Variants in AP2A2 observed in about 807,000 individuals in gnomAD.
AP2A2 encodes AP-2 complex subunit alpha-2.
In AP2A2, 32 loss-of-function variants were observed where a neutral mutation model predicts 104.2. The observed-to-expected ratio is 0.31, with a 90% CI of 0.23 to 0.41. The LOEUF is 0.41. Ranked by LOEUF, AP2A2 falls within the 10% of genes least tolerant of loss-of-function variation. AP2A2 has a pLI of 1.00. For missense variants in AP2A2, 912 were observed against 1,261.0 expected (o/e 0.72, Z 4.19); for synonymous variants, 539 against 533.3 (o/e 1.01, Z -0.15).
At chr11:954,552 G>A (rs896410494) in intron 1 of AP2A2, among the ~76,000 whole-genome samples, 1 of 152,034 alleles carries the variant, frequency 6.6e-6, no homozygotes, top group Admixed American at 6.6e-5. Context: ...GTATTTATGT[G>A]TGTTTGTAAA....
chr11:960,724 G>A (rs1303328178), intron 2 of AP2A2, among the ~76,000 whole-genome samples: 4 of 151,910 alleles, frequency 2.6e-5, no homozygotes, highest in Non-Finnish European at 5.9e-5. Flanking sequence ...CTCCATGTTG[G>A]TCAGGCTGGT....
intron 2 of AP2A2, among the ~76,000 whole-genome samples, chr11:960,724 G>T (rs1303328178): frequency 1.3e-5 from 2 of 151,910 alleles, no homozygotes; most frequent in Non-Finnish European, 2.9e-5. Context: ...CTCCATGTTG[G>T]TCAGGCTGGT....
intron 1 of AP2A2, among the ~76,000 whole-genome samples, chr11:944,704 C>T (rs1017956188): frequency 6.6e-6 from 1 of 152,108 alleles, no homozygotes. Flanking sequence ...TGAGCAAGGA[C>T]CTGGAGCTAG....
In AP2A2 at chr11:982,090, G is replaced by A. The variant is rs183051556; in HGVS notation, c.705+791G>A. Among the ~76,000 whole-genome samples the A allele has an allele frequency of 4.5e-3, 680 of 152,272 alleles. 2 individuals are homozygous for A. Among genetic ancestry groups the A allele is most frequent in the African/African-American group, 0.016 (656 of 41,550 alleles). On this transcript the variant is annotated intron_variant, in intron 6 of 21. Transcript: ENST00000448903. ...TTTTGAGACAGAGTCTCACTTTGTC[G>A]CCCAGGCTAGAGTGCAGTGGTGCAG...
At chr11:987,660 A>G (rs1207281284) in intron 9 of AP2A2, among the ~76,000 whole-genome samples, 1 of 152,182 alleles carries the variant, frequency 6.6e-6, no homozygotes, top group Non-Finnish European at 1.5e-5. Flanking sequence ...GTCTCAAAAA[A>G]AAAAAAAAAT....
chr11:928,116 G>A, intron 1 of AP2A2, among the ~76,000 whole-genome samples: 1 of 152,186 alleles, frequency 6.6e-6, no homozygotes, highest in East Asian at 1.9e-4. Context: ...GCCAGGGCCT[G>A]CGTTTGACAG....
At chr11:988,402 C>A in intron 9 of AP2A2, 150 bp from the exon 10 acceptor site, 1 of 1,005,056 alleles carries the variant, frequency 9.9e-7, no homozygotes, top group Non-Finnish European at 1.5e-6. Flanking sequence ...ACACACGTGG[C>A]CCGAGTGCAG....
chr11:963,943 A>G (rs1854528494), intron 2 of AP2A2, among the ~76,000 whole-genome samples: 1 of 152,112 alleles, frequency 6.6e-6, no homozygotes, highest in Non-Finnish European at 1.5e-5. Context: ...GTGTGGGTCC[A>G]CTCGTGGGTG....
At chr11:984,497 C>T in intron 6 of AP2A2, 148 bp from the exon 7 acceptor site, 1 of 690,816 alleles carries the variant, frequency 1.4e-6, no homozygotes, top group Non-Finnish European at 2.5e-6. Context: ...CAGGGGGTAC[C>T]AAGCAGTGTC....
At chr11:959,828 G>A (rs1278381292) in intron 2 of AP2A2, among the ~76,000 whole-genome samples, 1 of 152,136 alleles carries the variant, frequency 6.6e-6, no homozygotes, top group Non-Finnish European at 1.5e-5. Context: ...CTCTGTGTAA[G>A]GCGCCACCGA....
chr11:935,428 A>ACC (rs541928095), intron 1 of AP2A2, among the ~76,000 whole-genome samples: 2,001 of 151,994 alleles, frequency 0.013, 27 homozygotes, highest in Non-Finnish European at 0.021. Context: ...TCGGCCTCTC[A>ACC]AAGTGCTGGG....
At chr11:994,025 T>C (rs533903627) in intron 13 of AP2A2, 40 bp downstream of exon 13, 1 of 1,608,304 alleles carries the variant, frequency 6.2e-7, no homozygotes, top group African/African-American at 1.3e-5. Flanking sequence ...TGGCTGAGGG[T>C]TGGAGGCCAG....
intron 1 of AP2A2, among the ~76,000 whole-genome samples, chr11:931,515 G>A (rs947600556): frequency 1.3e-5 from 2 of 152,146 alleles, no homozygotes; most frequent in African/African-American, 4.8e-5. Context: ...TTTTGAGACC[G>A]GTCAGTTTGC....
chr11:925,987 G>T lies in AP2A2; in HGVS notation c.-35G>T. On this transcript the variant is annotated 5_prime_UTR_variant, in exon 1 of 22. Transcript: ENST00000448903. ...CCGCTCCCCGCGCTCCTCCGCCCGG[G>T]TCCGCCAGCCGAGGCCGCTCCCGAG... 2.2e-6 allele frequency: 3 copies of T among 1,385,474 alleles called. No homozygotes were observed. Among genetic ancestry groups the T allele is most frequent in the Non-Finnish European group, 2.8e-6 (3 of 1,054,392 alleles). 85.8% of individuals were successfully genotyped at this position (1,385,474 alleles called of 1,614,324 possible).
rs1855423719 is a variant in AP2A2 at position 985,562 on chromosome 11, CTTAA to C, written c.944_947del (p.Leu315SerfsTer61). On this transcript the variant is annotated frameshift_variant, in exon 8 of 22. Transcript: ENST00000448903. LOFTEE classifies it high-confidence loss of function. Reference sequence around the variant, plus strand: ...ATGCCGTGCTCTTCGAGGCCATCAGCTTAATCATTCACCATGACAGGTGTGTCGG... The same window carrying C: ...ATGCCGTGCTCTTCGAGGCCATCAGCTCATTCACCATGACAGGTGTGTCGG... 6.2e-7 allele frequency: 1 copy of C among 1,613,874 alleles called. No individual in the cohort carries two copies.
chr11:968,687 C>T lies in AP2A2; in HGVS notation c.137-1482C>T, dbSNP rs1216569218. 1.3e-5 allele frequency among the ~76,000 whole-genome samples: 2 copies of T among 151,952 alleles called. No homozygotes were observed. Among genetic ancestry groups the T allele is most frequent in the African/African-American group, 4.8e-5 (2 of 41,360 alleles). ...TTCCCAGTGGAGGATCTCTGCTGCGCAGCCCGTGCTCAGCTGTGTGTGCCC... is the reference window on the plus strand; with the variant it reads ...TTCCCAGTGGAGGATCTCTGCTGCGTAGCCCGTGCTCAGCTGTGTGTGCCC... On this transcript the variant is annotated intron_variant, in intron 2 of 21. Transcript: ENST00000448903. The surrounding 1 kb of genome is among the most constrained non-coding windows in gnomAD (Gnocchi z 4.2).
At chr11:987,520 C>T (rs1191572534) in intron 9 of AP2A2, among the ~76,000 whole-genome samples, 26 of 151,964 alleles carry the variant, frequency 1.7e-4, no homozygotes, top group African/African-American at 5.8e-4. Flanking sequence ...GGCGTGGTGG[C>T]GGCCGGTGCC....
intron 6 of AP2A2, among the ~76,000 whole-genome samples, chr11:983,714 T>C (rs1389212306): frequency 6.6e-6 from 1 of 152,228 alleles, no homozygotes; most frequent in Non-Finnish European, 1.5e-5. Flanking sequence ...AGATGAATTT[T>C]TGTTGCTTTT....
At chr11:1,004,102 G>A (rs1189515007) in intron 16 of AP2A2, among the ~76,000 whole-genome samples, 1 of 152,150 alleles carries the variant, frequency 6.6e-6, no homozygotes, top group Non-Finnish European at 1.5e-5. Flanking sequence ...CACCTGAAAA[G>A]ATGGACAAAG....
Sources: allele counts gnomAD v4.1 joint callset (sites outside exome capture counted in the v4.1 genomes callset), GRCh38; gene constraint gnomAD v4.1.1; non-coding constraint Gnocchi (gnomAD v3.1); transcripts MANE v1.5; gene names NCBI Gene and HGNC (gene_info 2026-07-23, HGNC 2026-07-21).